Variants in UBE2F observed in about 807,000 individuals in gnomAD.
The protein encoded by UBE2F is NEDD8-conjugating enzyme UBE2F.
In UBE2F, 5 loss-of-function variants were observed where a neutral mutation model predicts 29.6. That is an observed-to-expected ratio of 0.17 (90% CI 0.09 to 0.36). The LOEUF (loss-of-function observed/expected upper bound fraction) is 0.36, where lower values mean the gene tolerates loss of function less well. Among genes scored for constraint, UBE2F ranks in the 10% least tolerant of loss-of-function variants. The pLI, the probability that UBE2F is intolerant of heterozygous loss-of-function variation, is 1.00. For synonymous variants in UBE2F, 66 were observed against 81.8 expected (o/e 0.81, Z 1.04); for missense variants, 141 against 228.5 (o/e 0.62, Z 2.47).
In UBE2F at chr2:238,000,057, C is replaced by T. The variant is rs1207349241; in HGVS notation, c.214+5248C>T. ...CAGGCTGGTCTCAGTCTCCTGACCT[C>T]GTGATCCACCCACCTTGGCCTCCCA... is the stretch of plus-strand genomic sequence containing the variant. On this transcript the variant is annotated intron_variant, in intron 4 of 9. Coordinates refer to ENST00000272930, the MANE Select transcript of UBE2F (RefSeq NM_080678.3). 8.5e-5 allele frequency among the ~76,000 whole-genome samples: 13 copies of T among 152,152 alleles called. No homozygotes were observed. In the South Asian group the frequency reaches 2.1e-3, roughly 24 times the overall value.
intron 4 of UBE2F, among the ~76,000 whole-genome samples, chr2:237,996,996 T>C (rs1576608248): frequency 6.6e-6 from 1 of 151,914 alleles, no homozygotes; most frequent in South Asian, 2.1e-4. Context: ...CCCAGGTGGG[T>C]GGATCACTTG....
chr2:237,987,729 A>G (rs1405391589), intron 2 of UBE2F, among the ~76,000 whole-genome samples: 2 of 152,208 alleles, frequency 1.3e-5, no homozygotes, highest in African/African-American at 2.4e-5. Context: ...TTTCTTTTAC[A>G]TTAAAGTGAA....
chr2:237,967,040 G>A lies in UBE2F; in HGVS notation c.-109G>A. The stretch of plus-strand genomic sequence containing the variant: ...CTTCCGGTCCCGCCGCCGGGAGCCG[G>A]TGCGGCTGTGAGGGGCCGCGTCTCG... On this transcript the variant is annotated 5_prime_UTR_variant, in exon 1 of 10. It adds an upstream start codon to the 5' untranslated region. Coordinates refer to ENST00000272930, the MANE Select transcript of UBE2F (RefSeq NM_080678.3). The surrounding 1 kb of genome is among the most constrained non-coding windows in gnomAD (Gnocchi z 6.3). 6 of 1,298,598 alleles carry A rather than the reference G, an allele frequency of 4.6e-6. No individual in the cohort carries two copies. Among genetic ancestry groups the A allele is most frequent in the Non-Finnish European group, 4.9e-6 (5 of 1,022,440 alleles). 80.4% of individuals were successfully genotyped at this position (1,298,598 alleles called of 1,614,324 possible).
chr2:238,025,401 A>G lies in UBE2F; in HGVS notation c.342A>G (p.Glu114=). ...ACCCCAACATCACAGAGACAGGGGA[A>G]ATATGTCTGAGGTGAGTTTATTGTC... ...IWHPNITETG[E]ICLSLLREHS... The change falls in exon 6 of 10, where the codon GAA becomes GAG. Residue 114 remains glutamate (E), a synonymous_variant. Transcript: ENST00000272930. 1 of 1,613,756 alleles carries G rather than the reference A, an allele frequency of 6.2e-7. No homozygotes were observed. The highest frequency in any genetic ancestry group is 1.3e-5 in the African/African-American group (1 of 75,018).
chr2:238,013,407 T>C (rs1223561825), intron 4 of UBE2F, among the ~76,000 whole-genome samples: 1 of 152,196 alleles, frequency 6.6e-6, no homozygotes, highest in Non-Finnish European at 1.5e-5. Context: ...TTTACCCTTA[T>C]CAGTGCGTCA....
chr2:237,988,564 C>T (rs1342418270), intron 3 of UBE2F, among the ~76,000 whole-genome samples: 1 of 149,474 alleles, frequency 6.7e-6, no homozygotes, highest in East Asian at 1.9e-4. Context: ...TGCAGTGAGC[C>T]AAGATTGCGC....
At chr2:237,972,227 A>G (rs1397764716) in intron 1 of UBE2F, among the ~76,000 whole-genome samples, 5 of 152,250 alleles carry the variant, frequency 3.3e-5, no homozygotes, top group Non-Finnish European at 5.9e-5. Flanking sequence ...TTAAGGCTCT[A>G]TCCACACCTT....
chr2:238,022,039 T>A (rs1337531160), intron 5 of UBE2F, among the ~76,000 whole-genome samples: 1 of 152,250 alleles, frequency 6.6e-6, no homozygotes, highest in Non-Finnish European at 1.5e-5. Flanking sequence ...TCACCATCCA[T>A]GTTTGAAAAT....
rs3054481 is a variant in UBE2F at position 237,999,820 on chromosome 2, CTTTTTTTT to C, written c.214+5026_214+5033del. Among the ~76,000 whole-genome samples, 198 of 119,852 alleles carry C rather than the reference CTTTTTTTT, an allele frequency of 1.7e-3. 1 individual carries two copies. Among genetic ancestry groups the C allele is most frequent in the South Asian group, 3.6e-3 (14 of 3,894 alleles). 78.6% of individuals were successfully genotyped at this position (119,852 alleles called of 152,430 possible). Reference sequence around the variant, plus strand: ...AGATGTTAAGTATTTTGATGTTGTTCTTTTTTTTTTTTTTTTTTTTTTGAGACGGAGTC... The same window carrying C: ...AGATGTTAAGTATTTTGATGTTGTTCTTTTTTTTTTTTTTGAGACGGAGTC... On this transcript the variant is annotated intron_variant, in intron 4 of 9. Transcript: ENST00000272930.
intron 1 of UBE2F, among the ~76,000 whole-genome samples, chr2:237,968,092 T>C (rs1421107405): frequency 2.0e-5 from 3 of 152,056 alleles, no homozygotes; most frequent in Non-Finnish European, 4.4e-5. Context: ...TAGAAGCTTC[T>C]GGAAATGAAC....
chr2:238,006,902 T>C (rs2063920432), intron 4 of UBE2F, among the ~76,000 whole-genome samples: 1 of 151,948 alleles, frequency 6.6e-6, no homozygotes, highest in Admixed American at 6.6e-5. Flanking sequence ...ATTATAGGCA[T>C]GCACCACCAC....
rs776682363 is a variant in UBE2F, at chr2:237,994,738, T to C, written c.149-6T>C. 5 of 1,613,716 alleles carry C rather than the reference T, an allele frequency of 3.1e-6. No individual in the cohort carries two copies. The East Asian group carries it at 8.9e-5, about 29-fold the overall frequency. Reference sequence around the variant, plus strand: ...AGACCTTCCTGATGTGCTGTTTCTTTTGCAGGTACATGTAAAGTGCATTTT... The same window carrying C: ...AGACCTTCCTGATGTGCTGTTTCTTCTGCAGGTACATGTAAAGTGCATTTT... On this transcript the variant is annotated splice_region_variant and splice_polypyrimidine_tract_variant and intron_variant, in intron 3 of 9. Transcript: ENST00000272930.
At chr2:238,033,341 C>T (rs1576641828) in intron 8 of UBE2F, among the ~76,000 whole-genome samples, 1 of 152,172 alleles carries the variant, frequency 6.6e-6, no homozygotes, top group Non-Finnish European at 1.5e-5. Flanking sequence ...TGAATTTTTA[C>T]TTTTCGATTC....
At chr2:238,037,684 C>T (rs2064745407) in intron 9 of UBE2F, among the ~76,000 whole-genome samples, 2 of 152,188 alleles carry the variant, frequency 1.3e-5, no homozygotes, top group South Asian at 2.1e-4. Context: ...TGGCTCACTG[C>T]AACCTCTATC....
intron 5 of UBE2F, among the ~76,000 whole-genome samples, chr2:238,018,346 G>A (rs1293900693): frequency 1.3e-5 from 2 of 152,170 alleles, no homozygotes; most frequent in African/African-American, 4.8e-5. Context: ...TTAAGTCTAA[G>A]CTGATAAACT....
At chr2:238,022,770 C>T (rs987583771) in intron 5 of UBE2F, among the ~76,000 whole-genome samples, 2 of 152,002 alleles carry the variant, frequency 1.3e-5, no homozygotes, top group African/African-American at 4.8e-5. Context: ...TGATGGTGGC[C>T]GTGCCAAGCA....
chr2:237,985,020 A>G (rs923494283), intron 2 of UBE2F, among the ~76,000 whole-genome samples: 2 of 147,034 alleles, frequency 1.4e-5, no homozygotes, highest in African/African-American at 5.0e-5. Flanking sequence ...AAAAATAGAG[A>G]TGGTGGTCTC....
At chr2:237,977,345 C>T (rs2063302641) in intron 2 of UBE2F, among the ~76,000 whole-genome samples, 1 of 152,242 alleles carries the variant, frequency 6.6e-6, no homozygotes, top group Admixed American at 6.5e-5. Context: ...CGATAAATGG[C>T]AGTAGAACTC....
At chr2:238,002,500 G>A (rs1159946803) in intron 4 of UBE2F, among the ~76,000 whole-genome samples, 2 of 151,884 alleles carry the variant, frequency 1.3e-5, no homozygotes. Context: ...GCCTCCCAAA[G>A]TGCTGGGATT....
Sources: allele counts gnomAD v4.1 joint callset (sites outside exome capture counted in the v4.1 genomes callset), GRCh38; gene constraint gnomAD v4.1.1; non-coding constraint Gnocchi (gnomAD v3.1); transcripts MANE v1.5; gene names NCBI Gene and HGNC (gene_info 2026-07-23, HGNC 2026-07-21).